Variants in GABRB2 observed in about 807,000 individuals in gnomAD.
GABRB2 encodes the protein gamma-aminobutyric acid receptor subunit beta-2.
In GABRB2, 16 loss-of-function variants were observed where a neutral mutation model predicts 54.7. That is an observed-to-expected ratio of 0.29 (90% CI 0.20 to 0.44). GABRB2 has a LOEUF of 0.44. Ranked by LOEUF, GABRB2 falls within the 20% of genes least tolerant of loss-of-function variation. GABRB2 has a pLI of 1.00. For missense variants in GABRB2, 355 were observed against 644.0 expected (o/e 0.55, Z 4.86); for synonymous variants, 244 against 233.8 (o/e 1.04, Z -0.40).
chr5:161,321,720 T>TGGAGTATAC (rs1758216671), intron 9 of GABRB2, among the ~76,000 whole-genome samples: 1 of 152,166 alleles, frequency 6.6e-6, no homozygotes, highest in South Asian at 2.1e-4. Context: ...TAATATGCTG[T>TGGAGTATAC]GGAGTATACT....
chr5:161,504,297 C>T (rs1759535618), intron 3 of GABRB2, among the ~76,000 whole-genome samples: 1 of 152,090 alleles, frequency 6.6e-6, no homozygotes, highest in Non-Finnish European at 1.5e-5. Context: ...AAACCATGTG[C>T]AAGGATATTC....
intron 9 of GABRB2, among the ~76,000 whole-genome samples, chr5:161,315,666 G>A (rs1036388472): frequency 7.2e-5 from 11 of 151,958 alleles, no homozygotes; most frequent in African/African-American, 2.7e-4. Context: ...ATTATTATTT[G>A]TTATAGATAC....
intron 3 of GABRB2, among the ~76,000 whole-genome samples, chr5:161,543,730 G>T (rs1760887289): frequency 6.6e-6 from 1 of 152,068 alleles, no homozygotes; most frequent in Non-Finnish European, 1.5e-5. Context: ...AATATAAACT[G>T]ATAAAAGACC....
intron 3 of GABRB2, among the ~76,000 whole-genome samples, chr5:161,532,879 T>C (rs1249680867): frequency 6.6e-6 from 1 of 152,184 alleles, no homozygotes; most frequent in Non-Finnish European, 1.5e-5. Flanking sequence ...TTGAATGGCA[T>C]GTGAGAAGTA....
At chr5:161,497,239 G>A (rs1475165982) in intron 3 of GABRB2, among the ~76,000 whole-genome samples, 2 of 152,100 alleles carry the variant, frequency 1.3e-5, no homozygotes, top group Non-Finnish European at 2.9e-5. Flanking sequence ...TAAGGCAGCA[G>A]TGTCCCTTAG....
intron 3 of GABRB2, among the ~76,000 whole-genome samples, chr5:161,465,167 C>A (rs2113281618): frequency 6.6e-6 from 1 of 152,142 alleles, no homozygotes; most frequent in South Asian, 2.1e-4. Flanking sequence ...CCTTTCAAAT[C>A]TCTGAGCCTG....
chr5:161,480,954 G>A (rs1421186300), intron 3 of GABRB2, among the ~76,000 whole-genome samples: 2 of 151,928 alleles, frequency 1.3e-5, no homozygotes, highest in Non-Finnish European at 2.9e-5. Context: ...ATAGATTTGG[G>A]ATTTTAAATC....
intron 3 of GABRB2, among the ~76,000 whole-genome samples, chr5:161,498,002 C>T (rs537927067): frequency 2.0e-5 from 3 of 152,234 alleles, no homozygotes; most frequent in East Asian, 3.9e-4. Flanking sequence ...CTTTGAGAAA[C>T]ATTCTGAAAT....
intron 5 of GABRB2, among the ~76,000 whole-genome samples, chr5:161,382,118 G>T (rs1755487478): frequency 6.6e-6 from 1 of 152,062 alleles, no homozygotes; most frequent in African/African-American, 2.4e-5. Flanking sequence ...GTCCATACTT[G>T]GTCCAATACA....
At chr5:161,335,344 G>A (rs1475145803) in intron 6 of GABRB2, among the ~76,000 whole-genome samples, 2 of 152,102 alleles carry the variant, frequency 1.3e-5, no homozygotes, top group Non-Finnish European at 2.9e-5. Context: ...TGTGATCAGT[G>A]GTGATGTTTC....
rs1756492394 is a variant in GABRB2 at position 161,410,873 on chromosome 5, C to A, written c.541+102G>T. On this transcript the variant is annotated intron_variant, in intron 5 of 9. Transcript: ENST00000393959. ...ACCAAATTTAGTTGGGCTAGCAGAA[C>A]CTTTGCAGGGCCTGTGGTCTGGACA... 5 of 818,790 alleles carry A rather than the reference C, an allele frequency of 6.1e-6. No individual in the cohort carries two copies. The Admixed American group carries it at 1.2e-4, about 20-fold the overall frequency. 50.7% of individuals were successfully genotyped at this position (818,790 alleles called of 1,614,324 possible).
chr5:161,516,970 C>A (rs1056579787), intron 3 of GABRB2, among the ~76,000 whole-genome samples: 4 of 152,148 alleles, frequency 2.6e-5, no homozygotes, highest in African/African-American at 9.7e-5. Context: ...AGAGAGTTAG[C>A]AAACATCTCA....
chr5:161,411,735 T>G (rs1362520352), intron 4 of GABRB2, among the ~76,000 whole-genome samples: 1 of 152,048 alleles, frequency 6.6e-6, no homozygotes, highest in Non-Finnish European at 1.5e-5. Flanking sequence ...TTCCTTCAAT[T>G]TGTCTTTATA....
intron 3 of GABRB2, among the ~76,000 whole-genome samples, chr5:161,463,555 T>TAGATATATATATAGATA (rs1236064276): frequency 8.4e-5 from 2 of 23,710 alleles, no homozygotes; most frequent in African/African-American, 3.6e-4. Context: ...ATATTTTTAT[T>TAGATATATATATAGATA]TATATATATA....
chr5:161,328,144 C>A (rs1758423142), intron 8 of GABRB2, among the ~76,000 whole-genome samples: 1 of 151,880 alleles, frequency 6.6e-6, no homozygotes, highest in South Asian at 2.1e-4. Flanking sequence ...TAGCTAATAC[C>A]CTTTGAAAAA....
At position 161,309,589 on chromosome 5, in the gene GABRB2, A is replaced by G. The variant is rs965835412; in HGVS notation, c.1192-15161T>C. On this transcript the variant is annotated intron_variant, in intron 9 of 9. Coordinates refer to ENST00000393959, the MANE Select transcript of GABRB2 (RefSeq NM_001371727.1). Reference sequence around the variant, plus strand: ...TAATTGTAGCACTATTCACAATAGCAAAGACATGAAATCAACCTAAATGCC... The same window carrying G: ...TAATTGTAGCACTATTCACAATAGCGAAGACATGAAATCAACCTAAATGCC... Among the ~76,000 whole-genome samples the G allele has an allele frequency of 3.3e-5, 5 of 152,122 alleles. No homozygotes were observed. The South Asian group carries it at 1.0e-3, about 32-fold the overall frequency.
chr5:161,447,250 C>T (rs146600263), intron 4 of GABRB2, among the ~76,000 whole-genome samples: 76 of 152,226 alleles, frequency 5.0e-4, no homozygotes, highest in Middle Eastern at 3.4e-3. Context: ...GGTCCACAAC[C>T]CATACTCTTA....
At chr5:161,329,061 G>T (rs60138750) in intron 8 of GABRB2, among the ~76,000 whole-genome samples, 14,031 of 152,118 alleles carry the variant, frequency 0.092, 728 homozygotes, top group East Asian at 0.16. Flanking sequence ...CTGAAGCTCT[G>T]CAGGTTCAGT....
intron 5 of GABRB2, among the ~76,000 whole-genome samples, chr5:161,387,813 C>G (rs1433136752): frequency 6.6e-6 from 1 of 152,108 alleles, no homozygotes; most frequent in East Asian, 1.9e-4. Flanking sequence ...CTATAATAGA[C>G]TAGCACGTCT....
Sources: allele counts gnomAD v4.1 joint callset (sites outside exome capture counted in the v4.1 genomes callset), GRCh38; gene constraint gnomAD v4.1.1; transcripts MANE v1.5; gene names NCBI Gene and HGNC (gene_info 2026-07-23, HGNC 2026-07-21).